Variants in CEP63 observed in about 807,000 individuals in gnomAD.
CEP63 encodes centrosomal protein 63.
A neutral mutation model predicts 89.1 loss-of-function variants in CEP63; 84 were observed. The ratio of observed to expected loss-of-function variants is 0.94; its 90% CI spans 0.79 to 1.13. The LOEUF is 1.13. CEP63 is among the 50% of genes most tolerant of loss of function. The pLI is 0.00. For missense variants in CEP63, 838 were observed against 813.3 expected, an observed-to-expected ratio of 1.03 and a Z score of -0.37; for synonymous variants, 267 against 272.5, an observed-to-expected ratio of 0.98 and a Z score of 0.20.
the CEP63 span, among the ~76,000 whole-genome samples, chr3:134,764,953 G>A: frequency 6.6e-6 from 1 of 152,052 alleles, no homozygotes; most frequent in Non-Finnish European, 1.5e-5. Flanking sequence ...ATCCTTTAAC[G>A]TTTTCACTCC....
At chr3:134,507,743 A>G (rs1025094129) in intron 3 of CEP63, among the ~76,000 whole-genome samples, 10 of 152,208 alleles carry the variant, frequency 6.6e-5, no homozygotes, top group South Asian at 2.1e-4. Flanking sequence ...CACGTTTACC[A>G]TGTTGAAAAT....
the CEP63 span, among the ~76,000 whole-genome samples, chr3:134,756,619 G>C: frequency 2.0e-4 from 31 of 152,316 alleles, no homozygotes; most frequent in African/African-American, 7.0e-4. Flanking sequence ...CTCCCAAAGT[G>C]CTAGGATTAC....
chr3:134,555,558 A>G (rs972791403), intron 12 of CEP63, among the ~76,000 whole-genome samples: 4 of 151,762 alleles, frequency 2.6e-5, no homozygotes, highest in Non-Finnish European at 5.9e-5. Context: ...TAGGAATCCA[A>G]CTTACAAGGG....
chr3:134,754,576 TCCAAGAGGTGC>T, the CEP63 span, among the ~76,000 whole-genome samples: 4 of 152,106 alleles, frequency 2.6e-5, 1 homozygote, highest in South Asian at 8.3e-4. Context: ...TCTCGGCTTC[TCCAAGAGGTGC>T]CTCAGTGGCT....
the CEP63 span, among the ~76,000 whole-genome samples, chr3:134,623,618 G>C: frequency 4.6e-4 from 69 of 150,608 alleles, no homozygotes; most frequent in African/African-American, 1.5e-3. Flanking sequence ...GTCTCTGCAG[G>C]CTCCTGTGGG....
At chr3:134,769,165 A>G in the CEP63 span, among the ~76,000 whole-genome samples, 4 of 152,306 alleles carry the variant, frequency 2.6e-5, no homozygotes, top group East Asian at 1.9e-4. Context: ...AATTGATTGT[A>G]TGTCTCAAGA....
intron 3 of CEP63, among the ~76,000 whole-genome samples, chr3:134,523,679 G>A (rs902374111): frequency 2.6e-5 from 4 of 152,090 alleles, no homozygotes; most frequent in Non-Finnish European, 5.9e-5. Flanking sequence ...TGTCAGTTTT[G>A]TTGAAGATCA....
chr3:134,725,059 A>T, the CEP63 span, among the ~76,000 whole-genome samples: 1 of 144,522 alleles, frequency 6.9e-6, no homozygotes, highest in Non-Finnish European at 1.5e-5. Flanking sequence ...TCATATGGAA[A>T]CATTAATCAA....
At chr3:134,508,390 A>G (rs1460244388) in intron 3 of CEP63, among the ~76,000 whole-genome samples, 1 of 152,230 alleles carries the variant, frequency 6.6e-6, no homozygotes, top group South Asian at 2.1e-4. Context: ...AGGTGATGCA[A>G]AAGTACAGTG....
At chr3:134,739,298 A>G in the CEP63 span, among the ~76,000 whole-genome samples, 1 of 152,240 alleles carries the variant, frequency 6.6e-6, no homozygotes, top group South Asian at 2.1e-4. Flanking sequence ...AGAATTATTG[A>G]GGATGTGGAG....
intron 3 of CEP63, among the ~76,000 whole-genome samples, chr3:134,528,200 C>G (rs541165077): frequency 1.6e-4 from 25 of 152,262 alleles, no homozygotes; most frequent in Admixed American, 1.1e-3. Context: ...GCTTCCTCCC[C>G]CTTCAGCCCA....
At chr3:134,519,711 A>G (rs1279293858) in intron 3 of CEP63, among the ~76,000 whole-genome samples, 1 of 152,222 alleles carries the variant, frequency 6.6e-6, no homozygotes, top group East Asian at 1.9e-4. Flanking sequence ...ATATTAACAA[A>G]CTAAATCCAG....
the CEP63 span, among the ~76,000 whole-genome samples, chr3:134,743,391 A>G: frequency 4.6e-5 from 7 of 152,222 alleles, no homozygotes; most frequent in Non-Finnish European, 8.8e-5. Flanking sequence ...TCGCTGGTAG[A>G]GTAGAAAAGG....
chr3:134,745,569 A>T, the CEP63 span, among the ~76,000 whole-genome samples: 2 of 152,336 alleles, frequency 1.3e-5, no homozygotes, highest in African/African-American at 4.8e-5. Flanking sequence ...GTTCTAGGGT[A>T]CATGTGCGCA....
intron 14 of CEP63, among the ~76,000 whole-genome samples, chr3:134,559,646 A>G (rs1247798409): frequency 6.6e-6 from 1 of 152,112 alleles, no homozygotes; most frequent in Non-Finnish European, 1.5e-5. Context: ...TGTTATACGT[A>G]TTCATTTGTC....
chr3:134,647,437 T>G, the CEP63 span: 1 of 1,607,446 alleles, frequency 6.2e-7, no homozygotes, highest in African/African-American at 1.3e-5. Context: ...GAATTTACCG[T>G]GAAAGTCATT....
chr3:134,487,404 A>G (rs1935962720), intron 1 of CEP63, among the ~76,000 whole-genome samples: 1 of 152,232 alleles, frequency 6.6e-6, no homozygotes, highest in African/African-American at 2.4e-5. Context: ...GTAGATGCAA[A>G]TCTAAAAGTT....
downstream of CEP63, chr3:134,575,113 C>CTCCT (rs1156529257): frequency 7.8e-5 from 27 of 345,302 alleles, no homozygotes; most frequent in Middle Eastern, 7.5e-4. Flanking sequence ...CTTAAGATAA[C>CTCCT]TCCTTCCTTC....
At chr3:134,491,907 G>A (rs1004052225) in intron 1 of CEP63, among the ~76,000 whole-genome samples, 1 of 151,902 alleles carries the variant, frequency 6.6e-6, no homozygotes, top group African/African-American at 2.4e-5. Context: ...TTCTTCCTGT[G>A]TCCCATTTTG....
Sources: allele counts gnomAD v4.1 joint callset (sites outside exome capture counted in the v4.1 genomes callset), GRCh38; gene constraint gnomAD v4.1.1; transcripts MANE v1.5; gene names NCBI Gene and HGNC (gene_info 2026-07-23, HGNC 2026-07-21).